Variants in SCARA3 observed in about 807,000 individuals in gnomAD.
SCARA3 encodes the protein scavenger receptor class A member 3, also known as cellular stress response gene protein.
A neutral mutation model predicts 47.0 loss-of-function variants in SCARA3; 39 were observed. The observed-to-expected ratio is 0.83, with a 90% CI of 0.64 to 1.08. The LOEUF (loss-of-function observed/expected upper bound fraction) is 1.08. Among genes scored for constraint, SCARA3 ranks in the 50% least tolerant of loss-of-function variants. The pLI is 0.00. For missense variants in SCARA3, 724 were observed against 792.3 expected, an observed-to-expected ratio of 0.91 and a Z score of 1.04; for synonymous variants, 356 against 334.1, an observed-to-expected ratio of 1.07 and a Z score of -0.71.
chr8:27,687,637 A>G, the SCARA3 span, among the ~76,000 whole-genome samples: 1 of 152,186 alleles, frequency 6.6e-6, no homozygotes, highest in Admixed American at 6.5e-5. Context: ...ATAAATTTCA[A>G]TAAAGAAACC....
the SCARA3 span, among the ~76,000 whole-genome samples, chr8:27,707,215 A>T: frequency 6.6e-6 from 1 of 152,176 alleles, no homozygotes; most frequent in Non-Finnish European, 1.5e-5. Context: ...GAGAAACTGA[A>T]GAGTCTACAA....
At chr8:27,652,638 T>C (rs894748860) in intron 3 of SCARA3, among the ~76,000 whole-genome samples, 4 of 152,212 alleles carry the variant, frequency 2.6e-5, no homozygotes, top group Non-Finnish European at 5.9e-5. Flanking sequence ...ATACTAATGA[T>C]TTGAATAGAC....
At chr8:27,704,624 C>T in the SCARA3 span, among the ~76,000 whole-genome samples, 1 of 152,104 alleles carries the variant, frequency 6.6e-6, no homozygotes, top group Non-Finnish European at 1.5e-5. Context: ...CTGGGTTGGG[C>T]TGGACTAGAG....
At chr8:27,711,197 C>T in the SCARA3 span, among the ~76,000 whole-genome samples, 1 of 152,234 alleles carries the variant, frequency 6.6e-6, no homozygotes, top group African/African-American at 2.4e-5. Flanking sequence ...GCTGGGATTA[C>T]AGGCGTGAGC....
rs759506434 is a variant in SCARA3 at position 27,671,281 on chromosome 8, A to G, written c.1751A>G (p.Glu584Gly). The part of the protein sequence containing the change: ...GQRGAMGPKG[E>G]PGIQGPPGLP... ...CGGGGGGCCATGGGGCCTAAGGGTG[A>G]ACCAGGGATCCAGGGTCCCCCTGGT... Residue 584 changes from glutamate (E) to glycine (G), a missense_variant, in exon 6 of 6, where the codon GAA becomes GGA. Coordinates refer to ENST00000301904, the MANE Select transcript of SCARA3 (RefSeq NM_016240.3). The G allele has an allele frequency of 1.7e-5, 24 of 1,446,160 alleles. No individual in the cohort carries two copies. Among genetic ancestry groups the G allele is most frequent in the Non-Finnish European group, 2.2e-5 (24 of 1,100,492 alleles). The allele number at this position is 1,446,160 out of a possible 1,614,324, so 89.6% of individuals were successfully genotyped here. A position where few individuals can be genotyped will look rare whatever the true frequency, so the allele number is the denominator to read the frequency against.
chr8:27,642,472 C>T (rs1365709790), intron 1 of SCARA3, among the ~76,000 whole-genome samples: 2 of 152,120 alleles, frequency 1.3e-5, no homozygotes, highest in Non-Finnish European at 2.9e-5. Context: ...AGTGGGGTGC[C>T]CATGCGAGAC....
downstream of SCARA3, among the ~76,000 whole-genome samples, chr8:27,678,460 A>G (rs886844143): frequency 2.6e-5 from 4 of 152,174 alleles, no homozygotes; most frequent in Non-Finnish European, 4.4e-5. Flanking sequence ...AATACAAACA[A>G]CCACAGCTCA....
rs572912457 is a variant in SCARA3, at chr8:27,671,162, G to T, written c.1632G>T (p.Gly544=). 1.3e-6 allele frequency: 2 copies of T among 1,532,092 alleles called. No individual in the cohort carries two copies. Among genetic ancestry groups the T allele is most frequent in the African/African-American group, 1.4e-5 (1 of 71,578 alleles). 94.9% of individuals were successfully genotyped at this position (1,532,092 alleles called of 1,614,324 possible). A position where few individuals can be genotyped will look rare whatever the true frequency, so the allele number is the denominator to read the frequency against. The part of the protein sequence containing the change: ...RGQPGPKGDI[G]PPGPEGPPGS... The stretch of plus-strand genomic sequence containing the variant: ...AGCCAGGCCCAAAAGGGGACATAGG[G>T]CCCCCAGGGCCAGAAGGGCCCCCGG... Residue 544 remains glycine, a synonymous_variant, in exon 6 of 6, where the codon GGG becomes GGT. Coordinates refer to ENST00000301904, the MANE Select transcript of SCARA3 (RefSeq NM_016240.3).
In SCARA3 at chr8:27,649,625, T is replaced by A. The variant is rs1368185047; in HGVS notation, c.8-77T>A. ...CAGGGGTAGAGGTGGGCATGGGATA[T>A]GGGGACAGGTAAATAAAAGGGGCTG... On this transcript the variant is annotated intron_variant, in intron 1 of 5. Coordinates refer to ENST00000301904, the MANE Select transcript of SCARA3 (RefSeq NM_016240.3). 9 of 1,362,724 alleles carry A rather than the reference T, an allele frequency of 6.6e-6. No individual in the cohort carries two copies. The East Asian group carries it at 2.1e-4, about 31-fold the overall frequency. 84.4% of individuals were successfully genotyped at this position (1,362,724 alleles called of 1,614,324 possible).
the SCARA3 span, among the ~76,000 whole-genome samples, chr8:27,708,432 A>T: frequency 6.6e-6 from 1 of 152,214 alleles, no homozygotes; most frequent in Non-Finnish European, 1.5e-5. Context: ...TAAAATAAAA[A>T]ATAGTGATTC....
At chr8:27,729,583 G>A in the SCARA3 span, among the ~76,000 whole-genome samples, 1 of 152,140 alleles carries the variant, frequency 6.6e-6, no homozygotes, top group Non-Finnish European at 1.5e-5. Flanking sequence ...CTGAGCTCAG[G>A]AGTTCGAGAC....
At chr8:27,726,300 G>A in the SCARA3 span, among the ~76,000 whole-genome samples, 1 of 152,184 alleles carries the variant, frequency 6.6e-6, no homozygotes, top group Non-Finnish European at 1.5e-5. Flanking sequence ...CAGCTACTCA[G>A]GAGGCTGAGG....
rs371513972 is a variant in SCARA3, at chr8:27,671,031, C to T, written c.1501C>T (p.Pro501Ser). ...GGGACCCCAGGGTCCTCAGGGGCAACCTGGAGAGGCCGGGCCTGTGGGAGA... is the reference window on the plus strand; with the variant it reads ...GGGACCCCAGGGTCCTCAGGGGCAATCTGGAGAGGCCGGGCCTGTGGGAGA... ...PLGPQGPQGQ[P>S]GEAGPVGERG... Residue 501 changes from proline (P) to serine (S), a missense_variant, in exon 6 of 6, where the codon CCT (proline) becomes TCT (serine). Physicochemically the swap from Pro to Ser is moderately conservative, Grantham distance 74. Coordinates refer to ENST00000301904, the MANE Select transcript of SCARA3 (RefSeq NM_016240.3). 6.2e-7 allele frequency: 1 copy of T among 1,612,118 alleles called. No homozygotes were observed. The highest frequency in any genetic ancestry group is 2.2e-5 in the East Asian group (1 of 44,840).
chr8:27,659,127 T>C lies in SCARA3; in HGVS notation c.957T>C (p.Asp319=), dbSNP rs769168930. ...TGGATAACATCTCGTCCTTCCTGGA[T>C]GACCACGAAGAGAACATGCATGATC... ...LQLDNISSFL[D]DHEENMHDLQ... is the part of the protein sequence containing the mutation. Residue 319 remains aspartate, a synonymous_variant, in exon 5 of 6, where the codon GAT becomes GAC. Coordinates refer to ENST00000301904, the MANE Select transcript of SCARA3 (RefSeq NM_016240.3). The C allele has an allele frequency of 1.9e-6, 3 of 1,614,102 alleles. No individual in the cohort carries two copies. Among genetic ancestry groups the C allele is most frequent in the Non-Finnish European group, 2.5e-6 (3 of 1,180,030 alleles).
chr8:27,715,076 T>C, the SCARA3 span, among the ~76,000 whole-genome samples: 2 of 152,122 alleles, frequency 1.3e-5, no homozygotes, highest in Non-Finnish European at 2.9e-5. This position sits in a 1 kb window ranked among gnomAD's most constrained non-coding sequence, Gnocchi z 4.2. Context: ...CAAGCCACCA[T>C]GCCTGGCTAA....
chr8:27,669,890 C>A (rs558408650), intron 5 of SCARA3, among the ~76,000 whole-genome samples: 2 of 152,168 alleles, frequency 1.3e-5, no homozygotes, highest in Non-Finnish European at 2.9e-5. Flanking sequence ...GAACTGGGTA[C>A]GGCAGTGGAG....
At chr8:27,659,848 TAAAAAAAAAAAAAAAA>T (rs1164812144) in intron 5 of SCARA3, among the ~76,000 whole-genome samples, 1 of 40,336 alleles carries the variant, frequency 2.5e-5, no homozygotes, top group East Asian at 1.1e-3. Flanking sequence ...AGTCCTTATC[TAAAAAAAAAAAAAAAA>T]AAAAAAAAAA....
At chr8:27,724,449 G>A in the SCARA3 span, among the ~76,000 whole-genome samples, 1 of 152,116 alleles carries the variant, frequency 6.6e-6, no homozygotes, top group African/African-American at 2.4e-5. Flanking sequence ...AGATCACAAG[G>A]TCGGGAGTTC....
At chr8:27,667,602 C>A (rs970170019) in intron 5 of SCARA3, among the ~76,000 whole-genome samples, 1 of 152,204 alleles carries the variant, frequency 6.6e-6, no homozygotes, top group Non-Finnish European at 1.5e-5. Context: ...ACCCGCTGCA[C>A]CTGCATTGTC....
Sources: allele counts gnomAD v4.1 joint callset (sites outside exome capture counted in the v4.1 genomes callset), GRCh38; gene constraint gnomAD v4.1.1; non-coding constraint Gnocchi (gnomAD v3.1); transcripts MANE v1.5; gene names NCBI Gene and HGNC (gene_info 2026-07-23, HGNC 2026-07-21).